The following PDE4D variants were observed in gnomAD, a reference collection of about 807,000 sequenced individuals.
The protein encoded by PDE4D is phosphodiesterase 4D.
In PDE4D, 24 loss-of-function variants were observed where a neutral mutation model predicts 87.4. That is an observed-to-expected ratio of 0.27 (90% CI 0.20 to 0.39). PDE4D has a LOEUF of 0.39. PDE4D is among the 10% of genes least tolerant of loss of function. The pLI, the probability that PDE4D is intolerant of heterozygous loss-of-function variation, is 1.00. For synonymous variants in PDE4D, 384 were observed against 383.2 expected (o/e 1.00, Z -0.02); for missense variants, 714 against 1,041.0 (o/e 0.69, Z 4.32).
intron 1 of PDE4D, among the ~76,000 whole-genome samples, chr5:60,257,218 GAAAGAGAAAGAAAGAA>G (rs1359002674): frequency 0.024 from 2,059 of 84,374 alleles, 62 homozygotes; most frequent in African/African-American, 0.088. Context: ...ATGAAAGAAA[GAAAGAGAAAGAAAGAA>G]AGAAAGAAAG....
At position 60,419,657 on chromosome 5, in the gene PDE4D, T is replaced by C. The variant is rs144486431; in HGVS notation, c.-90+68285A>G. On this transcript the variant is annotated intron_variant, in intron 1 of 16. Coordinates refer to the PDE4D transcript ENST00000502484. ...AATTTTTTAAGATAGGCAGAATGCA[T>C]TGTAAACTAGAAACAATTGCAAATC... Among the ~76,000 whole-genome samples, 147 of 152,308 alleles carry C rather than the reference T, an allele frequency of 9.7e-4. 2 individuals carry two copies. The highest frequency in any genetic ancestry group is 3.5e-3 in the African/African-American group (145 of 41,562).
chr5:59,650,092 C>T (rs1031947150), intron 1 of PDE4D, among the ~76,000 whole-genome samples: 9 of 151,358 alleles, frequency 5.9e-5, no homozygotes, highest in African/African-American at 2.2e-4. Context: ...ATGAAAAATA[C>T]AGGCAGGCTA....
At chr5:60,514,459 A>C (rs945358545) in intron 1 of PDE4D, among the ~76,000 whole-genome samples, 1 of 152,094 alleles carries the variant, frequency 6.6e-6, no homozygotes, top group Admixed American at 6.5e-5. Flanking sequence ...TAACCACCTG[A>C]ATCCAGTAAT....
chr5:59,675,502 G>T (rs1747922408), intron 1 of PDE4D, among the ~76,000 whole-genome samples: 1 of 152,042 alleles, frequency 6.6e-6, no homozygotes, highest in African/African-American at 2.4e-5. Context: ...AAAGTGAAAG[G>T]GCTTTGGAGC....
intron 1 of PDE4D, among the ~76,000 whole-genome samples, chr5:59,344,637 G>A (rs1167751286): frequency 6.6e-6 from 1 of 152,034 alleles, no homozygotes; most frequent in African/African-American, 2.4e-5. Context: ...GGACTCAGGC[G>A]ATCCTCCCAC....
At chr5:59,668,924 A>AAGAAG (rs1746702990) in intron 1 of PDE4D, among the ~76,000 whole-genome samples, 1 of 141,766 alleles carries the variant, frequency 7.1e-6, no homozygotes. Flanking sequence ...AGAAGAAGAA[A>AAGAAG]GAAAGAAAGA....
intron 2 of PDE4D, among the ~76,000 whole-genome samples, chr5:59,204,758 G>A (rs1177604238): frequency 6.6e-6 from 1 of 152,174 alleles, no homozygotes; most frequent in Non-Finnish European, 1.5e-5. Context: ...TATCTTATTG[G>A]CAGGCTTGTT....
intron 1 of PDE4D, among the ~76,000 whole-genome samples, chr5:59,697,493 C>T: frequency 6.6e-6 from 1 of 152,136 alleles, no homozygotes; most frequent in East Asian, 1.9e-4. Flanking sequence ...GAATATCTAT[C>T]AAGAATTGTT....
At chr5:60,240,027 A>G (rs1746901807) in intron 1 of PDE4D, among the ~76,000 whole-genome samples, 1 of 152,132 alleles carries the variant, frequency 6.6e-6, no homozygotes, top group Non-Finnish European at 1.5e-5. Flanking sequence ...ATATACTAGT[A>G]GCTGTAATGT....
At chr5:59,010,217 C>T (rs536879061) in intron 6 of PDE4D, among the ~76,000 whole-genome samples, 3 of 152,158 alleles carry the variant, frequency 2.0e-5, no homozygotes, top group African/African-American at 7.2e-5. Context: ...ATCCCAGCTA[C>T]TCGGGAGGCT....
At chr5:59,966,706 T>C (rs1336171917) in intron 3 of PDE4D, among the ~76,000 whole-genome samples, 5 of 152,208 alleles carry the variant, frequency 3.3e-5, no homozygotes, top group African/African-American at 4.8e-5. Context: ...AATATAGCAT[T>C]GTACAAAGTC....
At chr5:59,586,983 C>A in intron 1 of PDE4D, 5 of 985,424 alleles carry the variant, frequency 5.1e-6, no homozygotes, top group Non-Finnish European at 6.0e-6. Context: ...CATGTATCAC[C>A]AAAGCCAACT....
intron 1 of PDE4D, among the ~76,000 whole-genome samples, chr5:60,440,165 G>A (rs1338313148): frequency 6.6e-6 from 1 of 152,112 alleles, no homozygotes; most frequent in South Asian, 2.1e-4. Context: ...CTTAGTGGGG[G>A]ATGAGTGAGA....
chr5:60,332,179 TAA>T (rs1554207547), intron 1 of PDE4D, among the ~76,000 whole-genome samples: 7 of 152,314 alleles, frequency 4.6e-5, no homozygotes, highest in East Asian at 1.9e-4. Context: ...GAATTTTTTT[TAA>T]AATTTAAATT....
At chr5:59,382,149 T>C (rs1034317103) in intron 1 of PDE4D, among the ~76,000 whole-genome samples, 1 of 152,128 alleles carries the variant, frequency 6.6e-6, no homozygotes, top group Admixed American at 6.6e-5. Context: ...TTCCTTATAC[T>C]TGACACAGAA....
intron 1 of PDE4D, among the ~76,000 whole-genome samples, chr5:59,396,115 C>G (rs1165908537): frequency 8.3e-6 from 1 of 119,790 alleles, no homozygotes; most frequent in African/African-American, 3.4e-5. Flanking sequence ...ACTGGTGTAC[C>G]TGAAAGTGAT....
At chr5:60,033,779 T>C (rs958372481) in intron 2 of PDE4D, among the ~76,000 whole-genome samples, 2 of 152,142 alleles carry the variant, frequency 1.3e-5, no homozygotes, top group Non-Finnish European at 2.9e-5. Context: ...AACACAGTTG[T>C]CAATACAATT....
chr5:59,802,819 C>G (rs1427616637), intron 1 of PDE4D, among the ~76,000 whole-genome samples: 1 of 152,136 alleles, frequency 6.6e-6, no homozygotes, highest in African/African-American at 2.4e-5. Flanking sequence ...GCAGAGAATA[C>G]AGTGCATGAA....
At chr5:59,378,563 T>A (rs183577768) in intron 1 of PDE4D, among the ~76,000 whole-genome samples, 84 of 152,262 alleles carry the variant, frequency 5.5e-4, no homozygotes, top group Non-Finnish European at 8.8e-4. Context: ...TAAGAAAAAA[T>A]TATTCCTTAT....
Sources: allele counts gnomAD v4.1 joint callset (sites outside exome capture counted in the v4.1 genomes callset), GRCh38; gene constraint gnomAD v4.1.1; transcripts MANE v1.5; gene names NCBI Gene and HGNC (gene_info 2026-07-23, HGNC 2026-07-21).